KCNIP2: variants seen among roughly 807,000 people sequenced by gnomAD.
KCNIP2 encodes A-type potassium channel modulatory protein KCNIP2.
KCNIP2 carries 19 observed loss-of-function variants against 39.0 expected under a neutral mutation model. That is an observed-to-expected ratio of 0.49 (90% CI 0.34 to 0.71). KCNIP2 has a LOEUF of 0.71. Among genes scored for constraint, KCNIP2 ranks in the 30% least tolerant of loss-of-function variants. The pLI, the probability that KCNIP2 is intolerant of heterozygous loss-of-function variation, is 0.01. For missense variants in KCNIP2, 261 were observed against 346.0 expected (o/e 0.75, Z 1.95); for synonymous variants, 111 against 131.2 (o/e 0.85, Z 1.05).
In KCNIP2 at chr10:101,827,346, C is replaced by T; in HGVS notation, c.*7G>A. 1 of 1,600,870 alleles carries T rather than the reference C, an allele frequency of 6.2e-7. No homozygotes were observed. The highest frequency in any genetic ancestry group is 8.5e-7 in the Non-Finnish European group (1 of 1,170,302). On this transcript the variant is annotated 3_prime_UTR_variant, in exon 10 of 10. Transcript: ENST00000356640. ...CCCCAGGAAACACTGACCCCCTCTC[C>T]TGGGGGCTAGATGACATTGTCAAAG...
At position 101,827,117 on chromosome 10, in the gene KCNIP2, C is replaced by A; in HGVS notation, c.*236G>T. The A allele has an allele frequency of 1.5e-5, 15 of 1,000,178 alleles. No individual in the cohort carries two copies. The highest frequency in any genetic ancestry group is 2.0e-5 in the Non-Finnish European group (15 of 766,262). 62.0% of individuals were successfully genotyped at this position (1,000,178 alleles called of 1,614,324 possible). On this transcript the variant is annotated 3_prime_UTR_variant, in exon 10 of 10. Transcript: ENST00000356640. ...GGCACTCTCAACACTGGGTGTCAGG[C>A]AGGAAGGGGGTGAGAGCTGGTGGGA...
chr10:101,833,870 C>A (rs2066067547), intron 1 of KCNIP2, among the ~76,000 whole-genome samples: 1 of 152,018 alleles, frequency 6.6e-6, no homozygotes, highest in Non-Finnish European at 1.5e-5. Context: ...AAAAAGGACC[C>A]CCCAGAAATC....
chr10:101,839,664 G>C, intron 1 of KCNIP2: 1 of 1,180,856 alleles, frequency 8.5e-7, no homozygotes, highest in South Asian at 1.2e-5. Context: ...TATTTGAGGG[G>C]CCCTTCCCTC....
intron 1 of KCNIP2, among the ~76,000 whole-genome samples, chr10:101,832,588 C>T (rs879663116): frequency 2.6e-5 from 4 of 152,148 alleles, no homozygotes; most frequent in Admixed American, 6.5e-5. Flanking sequence ...CTCCCTCCCA[C>T]CCCAGGAGCC....
rs1442258793 is a variant in KCNIP2, at chr10:101,828,744, C to G, written c.349-48G>C. On this transcript the variant is annotated intron_variant, in intron 4 of 9. Coordinates refer to ENST00000356640, the MANE Select transcript of KCNIP2 (RefSeq NM_173191.3). This position sits in a 1 kb window ranked among gnomAD's most constrained non-coding sequence, Gnocchi z 6.6. Reference sequence around the variant, plus strand: ...TGAGGGCAGAGACAAAATCCCCTTCCGTTCACCGCCCCCACCCTCCATGGC... The same window carrying G: ...TGAGGGCAGAGACAAAATCCCCTTCGGTTCACCGCCCCCACCCTCCATGGC... 4 of 1,613,552 alleles carry G rather than the reference C, an allele frequency of 2.5e-6. 1 individual carries two copies. The South Asian group carries it at 4.4e-5, about 18-fold the overall frequency.
intron 3 of KCNIP2, chr10:101,829,543 C>T: frequency 2.1e-6 from 1 of 486,534 alleles, no homozygotes; most frequent in Non-Finnish European, 3.6e-6. Context: ...GAGGGGGCGT[C>T]TGAGGGTCAG....
At chr10:101,840,064 G>T (rs568338791) in intron 1 of KCNIP2, among the ~76,000 whole-genome samples, 4 of 151,706 alleles carry the variant, frequency 2.6e-5, no homozygotes, top group Middle Eastern at 3.2e-3. Context: ...GGACGGGGGG[G>T]GGGGGTGGCG....
intron 1 of KCNIP2, among the ~76,000 whole-genome samples, chr10:101,836,255 C>T (rs1188104075): frequency 1.3e-5 from 2 of 151,036 alleles, no homozygotes; most frequent in African/African-American, 4.9e-5. Context: ...GATGACGCTT[C>T]ACACAGGCTT....
intron 1 of KCNIP2, among the ~76,000 whole-genome samples, chr10:101,840,573 C>T (rs2066302622): frequency 8.1e-6 from 1 of 124,216 alleles, no homozygotes; most frequent in Non-Finnish European, 1.7e-5. Flanking sequence ...TTCGGTCCCG[C>T]TGCGCCCCTT....
Position 101,829,169 on chromosome 10 carries a change from G to A in KCNIP2, c.254C>T (p.Thr85Ile). ...DSVDDEFELS[T>I]VCHRPEGLEQ... The stretch of plus-strand genomic sequence containing the variant: ...CAGACCCTCAGGCCGGTGACACACG[G>A]TGGACAATTCAAATTCATCGTCCAC... Residue 85 changes from threonine to isoleucine, a missense_variant, in exon 4 of 10, where the codon ACC becomes ATC. Coordinates refer to ENST00000356640, the MANE Select transcript of KCNIP2 (RefSeq NM_173191.3). 1 of 1,614,058 alleles carries A rather than the reference G, an allele frequency of 6.2e-7. No homozygotes were observed. The highest frequency in any genetic ancestry group is 1.7e-5 in the Admixed American group (1 of 60,018).
chr10:101,830,968 G>C, intron 2 of KCNIP2, 104 bp downstream of exon 2: 1 of 1,026,510 alleles, frequency 9.7e-7, no homozygotes, highest in Non-Finnish European at 1.5e-6. Context: ...CAGGCCTGGA[G>C]CATGCGCACA....
chr10:101,836,427 G>T (rs1218002269), intron 1 of KCNIP2, among the ~76,000 whole-genome samples: 3 of 151,930 alleles, frequency 2.0e-5, no homozygotes, highest in Admixed American at 2.0e-4. Flanking sequence ...TTTTAAATAG[G>T]GTTTTGTCAT....
chr10:101,833,796 A>G (rs1169023314), intron 1 of KCNIP2, among the ~76,000 whole-genome samples: 1 of 152,052 alleles, frequency 6.6e-6, no homozygotes, highest in Non-Finnish European at 1.5e-5. Flanking sequence ...ACACCCCATA[A>G]GCTACACTGC....
At chr10:101,830,090 C>T (rs770974013) in intron 2 of KCNIP2, 193 bp from the exon 3 acceptor site, 9 of 699,002 alleles carry the variant, frequency 1.3e-5, no homozygotes, top group Middle Eastern at 2.4e-4. Context: ...TCCGAATCCA[C>T]CCCCGTGTGG....
chr10:101,840,556 C>A (rs1192444515), intron 1 of KCNIP2, among the ~76,000 whole-genome samples: 2 of 144,068 alleles, frequency 1.4e-5, no homozygotes, highest in African/African-American at 2.6e-5. Flanking sequence ...CCGCACCCCC[C>A]CCCCACTTCG....
chr10:101,827,587 G>T (rs1397318631), intron 9 of KCNIP2, 102 bp downstream of exon 9: 3 of 1,385,028 alleles, frequency 2.2e-6, no homozygotes, highest in Non-Finnish European at 3.1e-6. Flanking sequence ...AAATATGGGG[G>T]TGAGGTGGGA....
intron 1 of KCNIP2, chr10:101,839,932 C>T (rs1241516797): frequency 1.1e-5 from 14 of 1,281,784 alleles, no homozygotes; most frequent in African/African-American, 4.7e-5. Flanking sequence ...GCGTGGGCGG[C>T]GCGGGAGGGC....
intron 1 of KCNIP2, among the ~76,000 whole-genome samples, chr10:101,842,824 A>G (rs1241229265): frequency 6.6e-6 from 1 of 152,220 alleles, no homozygotes; most frequent in Non-Finnish European, 1.5e-5. Flanking sequence ...TCACCACATG[A>G]AAGTACACAA....
intron 1 of KCNIP2, among the ~76,000 whole-genome samples, chr10:101,841,165 G>C (rs1054107503): frequency 2.6e-5 from 4 of 152,220 alleles, no homozygotes; most frequent in African/African-American, 9.6e-5. Context: ...TGGGAGTGGG[G>C]AAGTAAAATG....
Sources: allele counts gnomAD v4.1 joint callset (sites outside exome capture counted in the v4.1 genomes callset), GRCh38; gene constraint gnomAD v4.1.1; non-coding constraint Gnocchi (gnomAD v3.1); transcripts MANE v1.5; gene names NCBI Gene and HGNC (gene_info 2026-07-23, HGNC 2026-07-21).